RIMS1: variants seen among roughly 807,000 people sequenced by gnomAD.
RIMS1 encodes regulating synaptic membrane exocytosis protein 1.
Under a neutral mutation model 214.1 loss-of-function variants are expected in RIMS1, and 83 were observed. That is an observed-to-expected ratio of 0.39 (90% CI 0.32 to 0.47). The LOEUF (loss-of-function observed/expected upper bound fraction) is 0.47, where lower values mean the gene tolerates loss of function less well. RIMS1 is among the 20% of genes least tolerant of loss of function. RIMS1 has a pLI of 0.99. For synonymous variants in RIMS1, 793 were observed against 786.8 expected, an observed-to-expected ratio of 1.01 and a Z score of -0.13; for missense variants, 2,050 against 2,161.8, an observed-to-expected ratio of 0.95 and a Z score of 1.03.
chr6:71,971,068 G>C (rs1795731142), intron 2 of RIMS1, among the ~76,000 whole-genome samples: 1 of 151,996 alleles, frequency 6.6e-6, no homozygotes, highest in Admixed American at 6.6e-5. Flanking sequence ...TGCCCCCCAG[G>C]TTAGTATTTT....
chr6:72,057,104 A>G (rs1164949244), intron 2 of RIMS1, among the ~76,000 whole-genome samples: 2 of 152,170 alleles, frequency 1.3e-5, no homozygotes, highest in African/African-American at 4.8e-5. Flanking sequence ...CTGTACAACA[A>G]ACCCCCATGA....
At chr6:72,360,792 T>G (rs1249873457) in intron 29 of RIMS1, among the ~76,000 whole-genome samples, 1 of 150,090 alleles carries the variant, frequency 6.7e-6, no homozygotes, top group Non-Finnish European at 1.5e-5. Context: ...TTATTTTTTG[T>G]GCGTAGTTCT....
chr6:72,353,633 T>A (rs1411484063), intron 29 of RIMS1, among the ~76,000 whole-genome samples: 1 of 152,176 alleles, frequency 6.6e-6, no homozygotes, highest in Non-Finnish European at 1.5e-5. Context: ...ATGGGGGGAT[T>A]GGAGGGAAGG....
At chr6:72,388,218 G>C (rs2098645170) in intron 29 of RIMS1, among the ~76,000 whole-genome samples, 1 of 152,226 alleles carries the variant, frequency 6.6e-6, no homozygotes, top group South Asian at 2.1e-4. Context: ...GCCTCCCTGA[G>C]GAGACAGCCT....
intron 1 of RIMS1, among the ~76,000 whole-genome samples, chr6:71,954,197 C>CAT (rs1790490842): frequency 6.6e-6 from 1 of 152,102 alleles, no homozygotes; most frequent in African/African-American, 2.4e-5. Flanking sequence ...TGATATAAGA[C>CAT]ATATTTTGGT....
chr6:72,101,500 A>G (rs1295869742), intron 4 of RIMS1, among the ~76,000 whole-genome samples: 1 of 151,972 alleles, frequency 6.6e-6, no homozygotes, highest in Non-Finnish European at 1.5e-5. Flanking sequence ...TGACTATTAA[A>G]TGAAATACTT....
At chr6:72,371,635 A>T (rs2098223449) in intron 29 of RIMS1, among the ~76,000 whole-genome samples, 1 of 152,222 alleles carries the variant, frequency 6.6e-6, no homozygotes, top group Non-Finnish European at 1.5e-5. Flanking sequence ...GGCCAGAGTT[A>T]GGAAGACAGA....
At chr6:72,268,126 T>C (rs2154179765) in intron 22 of RIMS1, among the ~76,000 whole-genome samples, 1 of 152,250 alleles carries the variant, frequency 6.6e-6, no homozygotes, top group Non-Finnish European at 1.5e-5. Flanking sequence ...CTGTAGATGC[T>C]TATTGGTTTG....
chr6:72,181,019 T>A (rs1287831316), intron 5 of RIMS1, among the ~76,000 whole-genome samples: 2 of 152,172 alleles, frequency 1.3e-5, no homozygotes, highest in African/African-American at 4.8e-5. Flanking sequence ...CATTGTGTAT[T>A]TACTACAGAT....
intron 27 of RIMS1, among the ~76,000 whole-genome samples, chr6:72,311,237 C>G (rs966171502): frequency 2.6e-5 from 4 of 152,184 alleles, no homozygotes; most frequent in African/African-American, 9.6e-5. Context: ...TACATAGCAT[C>G]TCTCTTTTAG....
At chr6:72,183,222 G>A (rs1299409794) in intron 6 of RIMS1, 73 bp downstream of exon 6, 1 of 1,479,340 alleles carries the variant, frequency 6.8e-7, no homozygotes, top group Non-Finnish European at 9.2e-7. Flanking sequence ...CAGGTGCTAG[G>A]CTAGTTGCTG....
chr6:72,333,782 T>C lies in RIMS1; in HGVS notation c.4313T>C (p.Val1438Ala). ...KKRRSSLSAK[V>A]VAIVSRRSRS... is the part of the protein sequence containing the mutation. The stretch of plus-strand genomic sequence containing the variant: ...CGGAGATCCAGCCTTAGTGCCAAAG[T>C]GGTTGCCATAGTGTCTCGAAGGAGT... Residue 1438 changes from valine to alanine, a missense_variant, in exon 29 of 34, where the codon GTG (valine) becomes GCG (alanine). Val to Ala is a moderately conservative substitution (Grantham distance 64, BLOSUM62 0). Coordinates refer to ENST00000521978, the MANE Select transcript of RIMS1 (RefSeq NM_014989.7). 6.3e-7 allele frequency: 1 copy of C among 1,597,480 alleles called. No homozygotes were observed. The highest frequency in any genetic ancestry group is 2.3e-5 in the East Asian group (1 of 44,048).
chr6:72,373,716 TA>T (rs2098288089), intron 29 of RIMS1, among the ~76,000 whole-genome samples: 1 of 152,174 alleles, frequency 6.6e-6, no homozygotes, highest in Non-Finnish European at 1.5e-5. Context: ...ACAGAATCAT[TA>T]AATACTGTAC....
At position 72,238,001 on chromosome 6, in the gene RIMS1, A is replaced by G. The variant is rs2064992019; in HGVS notation, c.1957+79A>G. The G allele has an allele frequency of 3.4e-6, 3 of 869,984 alleles. No homozygotes were observed. The African/African-American group carries it at 5.1e-5, about 15-fold the overall frequency. The allele number at this position is 869,984 out of a possible 1,614,324, so 53.9% of individuals were successfully genotyped here. A position where few individuals can be genotyped will look rare whatever the true frequency, so the allele number is the denominator to read the frequency against. ...AATTGGTGGTTTTCAATTTGGGGTT[A>G]GTTTTATATATACATACATACATAC... is the stretch of plus-strand genomic sequence containing the variant. On this transcript the variant is annotated intron_variant, in intron 9 of 33. Coordinates refer to ENST00000521978, the MANE Select transcript of RIMS1 (RefSeq NM_014989.7).
intron 4 of RIMS1, among the ~76,000 whole-genome samples, chr6:72,134,272 ATTATTGTGAATTT>A (rs1331540974): frequency 6.6e-6 from 1 of 151,896 alleles, no homozygotes; most frequent in Non-Finnish European, 1.5e-5. Context: ...TACATACTTT[ATTATTGTGAATTT>A]TTATTGTGAT....
chr6:71,927,936 A>G (rs1582826943), intron 1 of RIMS1, among the ~76,000 whole-genome samples: 1 of 152,300 alleles, frequency 6.6e-6, no homozygotes, highest in South Asian at 2.1e-4. Context: ...TTTATGGTTG[A>G]AATCATGGAA....
intron 1 of RIMS1, among the ~76,000 whole-genome samples, chr6:71,915,815 CA>C (rs1399071200): frequency 6.6e-6 from 1 of 152,076 alleles, no homozygotes; most frequent in Non-Finnish European, 1.5e-5. Flanking sequence ...TTGATGGACT[CA>C]CAATTCCACA....
intron 2 of RIMS1, among the ~76,000 whole-genome samples, chr6:72,075,090 C>G (rs570454333): frequency 2.3e-4 from 35 of 152,082 alleles, no homozygotes; most frequent in Non-Finnish European, 4.9e-4. Flanking sequence ...TGGCTTCAGT[C>G]TTTTATTTTG....
rs145236937 is a variant in RIMS1, at chr6:72,159,762, T to C, written c.472-19813T>C. ...CCATTGATCTATATCTCTGTTTTGGTACCAGTACCATGCTGTTTTGGTTAT... is the reference window on the plus strand; with the variant it reads ...CCATTGATCTATATCTCTGTTTTGGCACCAGTACCATGCTGTTTTGGTTAT... On this transcript the variant is annotated intron_variant, in intron 4 of 33. Coordinates refer to ENST00000521978, the MANE Select transcript of RIMS1 (RefSeq NM_014989.7). Among the ~76,000 whole-genome samples the C allele has an allele frequency of 2.8e-4, 39 of 139,196 alleles. 6 individuals carry two copies. The East Asian group carries it at 7.9e-3, about 28-fold the overall frequency. The allele number at this position is 139,196 out of a possible 152,430, so 91.3% of individuals were successfully genotyped here.
Sources: gnomAD v4.1 joint callset for allele counts (sites outside exome capture counted in the v4.1 genomes callset) on GRCh38, gnomAD v4.1.1 for gene constraint, MANE v1.5 for transcripts, NCBI Gene and HGNC (gene_info 2026-07-23, HGNC 2026-07-21) for gene names.